OVCH1: variants seen among roughly 807,000 people sequenced by gnomAD.
The protein encoded by OVCH1 is ovochymase 1, also known as ovochymase-1.
In OVCH1, 139 loss-of-function variants were observed where a neutral mutation model predicts 138.4. The ratio of observed to expected loss-of-function variants is 1.00; its 90% CI spans 0.87 to 1.16. The LOEUF (loss-of-function observed/expected upper bound fraction) is 1.16, where lower values mean the gene tolerates loss of function less well. OVCH1 is among the 50% of genes most tolerant of loss of function. OVCH1 has a pLI of 0.00. For missense variants in OVCH1, 1,367 were observed against 1,357.9 expected, an observed-to-expected ratio of 1.01 and a Z score of -0.11; for synonymous variants, 453 against 467.8, an observed-to-expected ratio of 0.97 and a Z score of 0.41.
At position 29,480,225 on chromosome 12, in the gene OVCH1, G is replaced by A. The variant is rs114661571; in HGVS notation, c.996-1317C>T. On this transcript the variant is annotated intron_variant, in intron 8 of 27. Transcript: ENST00000318184. ...AAGTTCACTTGCTAAGCACTTCAAT[G>A]GAAAAAAGCACTCCACATCCATCAT... 8.7e-4 allele frequency among the ~76,000 whole-genome samples: 132 copies of A among 152,146 alleles called. 1 individual carries two copies. Among genetic ancestry groups the A allele is most frequent in the African/African-American group, 3.0e-3 (126 of 41,542 alleles).
the OVCH1 span, among the ~76,000 whole-genome samples, chr12:29,405,045 A>AAC: frequency 6.7e-6 from 1 of 150,138 alleles, no homozygotes; most frequent in African/African-American, 2.5e-5. Context: ...AAAAAAAAAA[A>AAC]AAAAAAAAAA....
chr12:29,464,456 T>G, intron 18 of OVCH1, 51 bp downstream of exon 18: 1 of 1,572,196 alleles, frequency 6.4e-7, no homozygotes, highest in Non-Finnish European at 8.7e-7. Flanking sequence ...CATGACCTAT[T>G]TTCAAAAATA....
intron 27 of OVCH1, among the ~76,000 whole-genome samples, chr12:29,429,654 A>G (rs1941235668): frequency 6.6e-6 from 1 of 152,146 alleles, no homozygotes; most frequent in African/African-American, 2.4e-5. Flanking sequence ...CATTTTATTT[A>G]CTGTTGTGGA....
At position 29,437,954 on chromosome 12, in the gene OVCH1, A is replaced by C. The variant is rs141740513; in HGVS notation, c.3264+1374T>G. Among the ~76,000 whole-genome samples the C allele has an allele frequency of 4.1e-4, 62 of 152,260 alleles. No individual in the cohort carries two copies. The East Asian group carries it at 8.1e-3, about 20-fold the overall frequency. ...ACAGATTTTAGCTTTTCTATTATTG[A>C]TCTGTAAACACTTCTTATATTAATT... is the stretch of plus-strand genomic sequence containing the variant. On this transcript the variant is annotated intron_variant, in intron 26 of 27. Transcript: ENST00000318184.
At chr12:29,408,016 C>T (rs1327939203), downstream of OVCH1, among the ~76,000 whole-genome samples, 2 of 140,326 alleles carry the variant, frequency 1.4e-5, no homozygotes, top group African/African-American at 4.9e-5. Flanking sequence ...TTGAAGAGGT[C>T]CTTCACATCC....
intron 8 of OVCH1, among the ~76,000 whole-genome samples, chr12:29,485,954 AAAATAAAATAAAATAAAATAAAT>A (rs1445337005): frequency 2.6e-4 from 28 of 109,690 alleles, no homozygotes; most frequent in African/African-American, 7.7e-4. Flanking sequence ...CAAAATAAAT[AAAATAAAATAAAATAAAATAAAT>A]AAATAAATAA....
At chr12:29,477,505 T>A in intron 10 of OVCH1, 27 bp from the exon 11 acceptor site, 8 of 1,613,914 alleles carry the variant, frequency 5.0e-6, no homozygotes, top group Non-Finnish European at 6.8e-6. Context: ...GAAAGTGAAA[T>A]AACATTACTA....
At chr12:29,457,468 AT>A (rs1429339088) in intron 19 of OVCH1, among the ~76,000 whole-genome samples, 1 of 115,126 alleles carries the variant, frequency 8.7e-6, no homozygotes, top group Non-Finnish European at 1.6e-5. Context: ...CAGTGGTGTG[AT>A]CTCGGCTCAC....
At chr12:29,493,934 T>C (rs1307536680) in intron 4 of OVCH1, among the ~76,000 whole-genome samples, 1 of 152,238 alleles carries the variant, frequency 6.6e-6, no homozygotes. Flanking sequence ...TTTCATTCTC[T>C]CAGAGAATTT....
At chr12:29,439,491 A>G (rs1941433155) in intron 25 of OVCH1, 1 of 1,439,560 alleles carries the variant, frequency 6.9e-7, no homozygotes, top group Non-Finnish European at 9.1e-7. Flanking sequence ...AAAGCAAAAA[A>G]CAAAAAACAA....
rs953347746 is a variant in OVCH1 at position 29,497,560 on chromosome 12, G to C, written c.64+63C>G. The C allele has an allele frequency of 6.3e-6, 10 of 1,588,048 alleles. No individual in the cohort carries two copies. In the African/African-American group the frequency reaches 6.7e-5, roughly 11 times the overall value. On this transcript the variant is annotated intron_variant, in intron 1 of 27. Transcript: ENST00000318184. ...ACTTCCTGAGGCAAGGAGTAATGAAGTCTTCCCTCTCCAGCACGCTCAGCC... is the reference window on the plus strand; with the variant it reads ...ACTTCCTGAGGCAAGGAGTAATGAACTCTTCCCTCTCCAGCACGCTCAGCC...
intron 20 of OVCH1, 34 bp downstream of exon 20, chr12:29,455,215 G>T (rs933221897): frequency 3.2e-5 from 52 of 1,601,384 alleles, no homozygotes; most frequent in Admixed American, 5.1e-5. Context: ...AAAGAAAGAG[G>T]TTATTGTTTT....
chr12:29,408,300 T>A (rs2135861946), downstream of OVCH1, among the ~76,000 whole-genome samples: 1 of 125,988 alleles, frequency 7.9e-6, no homozygotes, highest in Admixed American at 8.3e-5. Context: ...ACCCTTTATT[T>A]CCTTCTCCTA....
At chr12:29,482,213 C>T (rs918815212) in intron 8 of OVCH1, among the ~76,000 whole-genome samples, 10 of 152,208 alleles carry the variant, frequency 6.6e-5, no homozygotes, top group Non-Finnish European at 1.2e-4. Flanking sequence ...CCACTCAACT[C>T]TGGCTCTCTG....
At position 29,414,457 on chromosome 12, in the gene OVCH1, G is replaced by T. The variant is rs145072748; in HGVS notation, c.*72-1732C>A. Among the ~76,000 whole-genome samples, 628 of 151,922 alleles carry T rather than the reference G, an allele frequency of 4.1e-3. 5 individuals carry two copies. The highest frequency in any genetic ancestry group is 0.014 in the African/African-American group (577 of 41,404). On this transcript the variant is annotated intron_variant and NMD_transcript_variant, in intron 3 of 4. Coordinates refer to the OVCH1 transcript ENST00000539117. ...ACATTTAGACTATTTTCTGTTTTTT[G>T]CTTAAGAGCTGCAGCAAGCATTCCA...
intron 9 of OVCH1, 47 bp downstream of exon 10, chr12:29,478,788 T>C (rs768901358): frequency 7.3e-7 from 1 of 1,375,062 alleles, no homozygotes; most frequent in South Asian, 1.6e-5. Context: ...TCTTTGGTCT[T>C]TCAGATACTC....
downstream of OVCH1, among the ~76,000 whole-genome samples, chr12:29,423,983 G>T (rs140700944): frequency 1.3e-5 from 2 of 152,074 alleles, no homozygotes; most frequent in Non-Finnish European, 2.9e-5. Context: ...CAGCTCGGTC[G>T]GGGAGACCCT....
At chr12:29,473,331 T>G (rs1264846972) in intron 14 of OVCH1, among the ~76,000 whole-genome samples, 4 of 152,194 alleles carry the variant, frequency 2.6e-5, no homozygotes, top group Non-Finnish European at 5.9e-5. Flanking sequence ...TTCTTGATAT[T>G]AATCTCATGG....
intron 3 of OVCH1, among the ~76,000 whole-genome samples, chr12:29,420,089 C>G (rs1205537981): frequency 1.3e-5 from 2 of 152,154 alleles, no homozygotes; most frequent in African/African-American, 4.8e-5. Context: ...ATGTTCTCAA[C>G]CATCTCACTA....
Sources: gnomAD v4.1 joint callset for allele counts (sites outside exome capture counted in the v4.1 genomes callset) on GRCh38, gnomAD v4.1.1 for gene constraint, MANE v1.5 for transcripts, NCBI Gene and HGNC (gene_info 2026-07-23, HGNC 2026-07-21) for gene names.